RGS6: variants seen among roughly 807,000 people sequenced by gnomAD.
The protein encoded by RGS6 is regulator of G protein signaling 6, also known as regulator of G-protein signaling 6.
A neutral mutation model predicts 78.5 loss-of-function variants in RGS6; 30 were observed. The ratio of observed to expected loss-of-function variants is 0.38; its 90% CI spans 0.29 to 0.52. The LOEUF (loss-of-function observed/expected upper bound fraction) is 0.52, where lower values mean the gene tolerates loss of function less well. RGS6 is among the 20% of genes least tolerant of loss of function. The pLI, the probability that RGS6 is intolerant of heterozygous loss-of-function variation, is 0.85. For missense variants in RGS6, 495 were observed against 609.7 expected, an observed-to-expected ratio of 0.81 and a Z score of 1.98; for synonymous variants, 206 against 206.0, an observed-to-expected ratio of 1.00 and a Z score of 0.00.
the RGS6 span, among the ~76,000 whole-genome samples, chr14:71,886,024 C>T: frequency 1.3e-5 from 2 of 151,418 alleles, no homozygotes; most frequent in African/African-American, 2.4e-5. Flanking sequence ...CTCTCCCTTG[C>T]TTCCCTTCCT....
chr14:72,625,547 T>C, the RGS6 span, among the ~76,000 whole-genome samples: 1 of 152,194 alleles, frequency 6.6e-6, no homozygotes, highest in Non-Finnish European at 1.5e-5. Flanking sequence ...GTTCTTTTTA[T>C]GAGAGAATGG....
chr14:72,220,681 A>G (rs1201534110), intron 2 of RGS6, among the ~76,000 whole-genome samples: 1 of 152,240 alleles, frequency 6.6e-6, no homozygotes, highest in Non-Finnish European at 1.5e-5. Context: ...AAAATAAAAC[A>G]GGCTCAAGGT....
intron 17 of RGS6, among the ~76,000 whole-genome samples, chr14:72,558,834 T>C (rs1463589148): frequency 6.6e-6 from 1 of 152,228 alleles, no homozygotes; most frequent in Non-Finnish European, 1.5e-5. Context: ...CTCTGGAATG[T>C]ACCTTCTGCA....
chr14:72,602,098 G>A, the RGS6 span, among the ~76,000 whole-genome samples: 1 of 152,206 alleles, frequency 6.6e-6, no homozygotes, highest in Non-Finnish European at 1.5e-5. Flanking sequence ...TTCCCACAAA[G>A]GCAAGATAGA....
At chr14:72,388,026 T>A (rs944375423) in intron 3 of RGS6, among the ~76,000 whole-genome samples, 5 of 152,286 alleles carry the variant, frequency 3.3e-5, no homozygotes, top group African/African-American at 1.2e-4. Context: ...ACTTATTTTC[T>A]TCTTTGAGGA....
rs757849190 is a variant in RGS6, at chr14:72,251,303, C to T, written c.85-100792C>T. ...GGTCAGAATTTTGCTTTCTTCTCTT[C>T]TCCAGTGGTTAATCTTTCTTGTTAA... On this transcript the variant is annotated intron_variant, in intron 2 of 17. Transcript: ENST00000553525. Among the ~76,000 whole-genome samples the T allele has an allele frequency of 2.6e-4, 40 of 152,298 alleles. 1 individual carries two copies. Among genetic ancestry groups the T allele is most frequent in the South Asian group, 1.2e-3 (6 of 4,824 alleles).
At chr14:72,051,457 G>T (rs963401753) in intron 2 of RGS6, among the ~76,000 whole-genome samples, 1 of 151,888 alleles carries the variant, frequency 6.6e-6, no homozygotes, top group African/African-American at 2.4e-5. Context: ...GGAGATAAAA[G>T]AATTAAAGAA....
At chr14:72,334,063 C>T (rs549727116) in intron 2 of RGS6, among the ~76,000 whole-genome samples, 2 of 152,362 alleles carry the variant, frequency 1.3e-5, no homozygotes, top group African/African-American at 4.8e-5. Flanking sequence ...CCCCTTAAAC[C>T]TCCATCTCCA....
At chr14:72,581,525 C>T in the RGS6 span, among the ~76,000 whole-genome samples, 1 of 152,154 alleles carries the variant, frequency 6.6e-6, no homozygotes, top group African/African-American at 2.4e-5. Flanking sequence ...TCCTGTAATG[C>T]CTCTGATAAA....
intron 3 of RGS6, among the ~76,000 whole-genome samples, chr14:72,408,327 A>T (rs576443134): frequency 2.0e-5 from 3 of 152,266 alleles, no homozygotes; most frequent in East Asian, 1.9e-4. Flanking sequence ...TAACTTAAAA[A>T]TTTTTTATGA....
At chr14:72,283,629 T>C (rs141930946) in intron 2 of RGS6, among the ~76,000 whole-genome samples, 1 of 152,370 alleles carries the variant, frequency 6.6e-6, no homozygotes, top group African/African-American at 2.4e-5. Flanking sequence ...CATGTGGAAC[T>C]GTGTGTCCAT....
At chr14:71,917,707 A>G in the RGS6 span, among the ~76,000 whole-genome samples, 41 of 152,322 alleles carry the variant, frequency 2.7e-4, 1 homozygote, top group African/African-American at 8.9e-4. Context: ...GGAAGAACAC[A>G]GGGCTGGAAC....
chr14:72,169,955 T>G (rs2096988089), intron 2 of RGS6, among the ~76,000 whole-genome samples: 1 of 152,146 alleles, frequency 6.6e-6, no homozygotes. Context: ...TATTGCCCTT[T>G]GAGATGACAG....
intron 12 of RGS6, among the ~76,000 whole-genome samples, chr14:72,489,468 C>T (rs765837754): frequency 6.6e-6 from 1 of 152,182 alleles, no homozygotes; most frequent in Non-Finnish European, 1.5e-5. Flanking sequence ...ACCTGTGAAA[C>T]CTGTGAATGT....
chr14:72,091,276 A>G (rs1238179047), intron 2 of RGS6, among the ~76,000 whole-genome samples: 2 of 152,116 alleles, frequency 1.3e-5, no homozygotes, highest in African/African-American at 4.8e-5. Context: ...TCTCTGCTGT[A>G]AGCAGCTAGG....
chr14:72,387,653 T>C (rs2088647821), intron 3 of RGS6, among the ~76,000 whole-genome samples: 1 of 152,208 alleles, frequency 6.6e-6, no homozygotes, highest in African/African-American at 2.4e-5. Flanking sequence ...TATACCTATA[T>C]ACGTATGACA....
At chr14:72,138,232 A>T (rs896008224) in intron 2 of RGS6, among the ~76,000 whole-genome samples, 3 of 152,158 alleles carry the variant, frequency 2.0e-5, no homozygotes, top group Admixed American at 2.0e-4. Flanking sequence ...TATAAGCTAC[A>T]TCACCTGTTA....
intron 12 of RGS6, among the ~76,000 whole-genome samples, chr14:72,485,785 G>A (rs972171549): frequency 6.6e-6 from 1 of 152,224 alleles, no homozygotes; most frequent in African/African-American, 2.4e-5. Context: ...AAAAGCTGGA[G>A]CCAGGGCCTT....
the RGS6 span, among the ~76,000 whole-genome samples, chr14:72,600,616 C>G: frequency 6.6e-6 from 1 of 151,834 alleles, no homozygotes; most frequent in Admixed American, 6.6e-5. Context: ...CAGACAAATT[C>G]AAGGAGCCCT....
Sources: gnomAD v4.1 joint callset for allele counts (sites outside exome capture counted in the v4.1 genomes callset) on GRCh38, gnomAD v4.1.1 for gene constraint, MANE v1.5 for transcripts, NCBI Gene and HGNC (gene_info 2026-07-23, HGNC 2026-07-21) for gene names.